The following PDGFC variants were observed in gnomAD, a reference collection of about 807,000 sequenced individuals.
The protein encoded by PDGFC is platelet-derived growth factor C.
Under a neutral mutation model 35.5 loss-of-function variants are expected in PDGFC, and 12 were observed. The observed-to-expected ratio is 0.34, with a 90% CI of 0.22 to 0.55. The LOEUF (loss-of-function observed/expected upper bound fraction) is 0.55, where lower values mean the gene tolerates loss of function less well. PDGFC is among the 20% of genes least tolerant of loss of function. PDGFC has a pLI of 0.91. For missense variants in PDGFC, 322 were observed against 412.4 expected (o/e 0.78, Z 1.90); for synonymous variants, 159 against 148.8 (o/e 1.07, Z -0.50).
chr4:156,942,214 G>A (rs1731826898), intron 1 of PDGFC, among the ~76,000 whole-genome samples: 1 of 152,052 alleles, frequency 6.6e-6, no homozygotes, highest in African/African-American at 2.4e-5. Context: ...ATTCCTTTGT[G>A]CTCACAGGCG....
At chr4:156,852,309 T>C (rs1295280732) in intron 1 of PDGFC, among the ~76,000 whole-genome samples, 1 of 152,210 alleles carries the variant, frequency 6.6e-6, no homozygotes, top group Non-Finnish European at 1.5e-5. Flanking sequence ...CTTTTGGATA[T>C]GTGCCATCAA....
At chr4:156,808,629 C>T (rs952569507) in intron 3 of PDGFC, among the ~76,000 whole-genome samples, 10 of 151,858 alleles carry the variant, frequency 6.6e-5, no homozygotes, top group Non-Finnish European at 1.2e-4. Flanking sequence ...ATGGATTGCA[C>T]CCTGTTAGCA....
intron 2 of PDGFC, among the ~76,000 whole-genome samples, chr4:156,843,360 A>AC (rs1290525921): frequency 1.3e-5 from 2 of 152,210 alleles, no homozygotes; most frequent in Non-Finnish European, 2.9e-5. Flanking sequence ...TTTATAAGCC[A>AC]CCCAGTTTAT....
intron 1 of PDGFC, among the ~76,000 whole-genome samples, chr4:156,912,804 T>C (rs908864822): frequency 2.6e-5 from 4 of 151,852 alleles, no homozygotes; most frequent in African/African-American, 9.7e-5. Flanking sequence ...CTGGATGTCC[T>C]TCACGGTGGG....
At chr4:156,819,391 A>C (rs1732185549) in intron 2 of PDGFC, among the ~76,000 whole-genome samples, 2 of 152,196 alleles carry the variant, frequency 1.3e-5, no homozygotes. Context: ...GTTAGGGGCT[A>C]ATGCATCTGG....
At chr4:156,866,424 G>T (rs1316347839) in intron 1 of PDGFC, among the ~76,000 whole-genome samples, 1 of 151,960 alleles carries the variant, frequency 6.6e-6, no homozygotes, top group East Asian at 1.9e-4. Flanking sequence ...GTATTTTTTA[G>T]TTCCTAAGGA....
intron 2 of PDGFC, among the ~76,000 whole-genome samples, chr4:156,827,956 G>A (rs1169338594): frequency 1.3e-5 from 2 of 152,210 alleles, no homozygotes; most frequent in Non-Finnish European, 2.9e-5. Context: ...GCAAATGCGT[G>A]AAACAGTGGA....
chr4:156,805,527 A>T (rs1016911971), intron 3 of PDGFC, among the ~76,000 whole-genome samples: 1 of 152,172 alleles, frequency 6.6e-6, no homozygotes, highest in African/African-American at 2.4e-5. Flanking sequence ...TCCCACCACT[A>T]ATGTTTTTCC....
rs535696793 is a variant in PDGFC at position 156,788,310 on chromosome 4, G to A, written c.496-15417C>T. On this transcript the variant is annotated intron_variant, in intron 3 of 5. Coordinates refer to ENST00000502773, the MANE Select transcript of PDGFC (RefSeq NM_016205.3). ...GTCCACAGAGAATCTCCAGAACCCC[G>A]AAAAGCTACCAAGATCAACGGCAAC... is the stretch of plus-strand genomic sequence containing the variant. Among the ~76,000 whole-genome samples the A allele has an allele frequency of 7.2e-5, 11 of 152,224 alleles. No homozygotes were observed. In the East Asian group the frequency reaches 1.5e-3, roughly 21 times the overall value.
At chr4:156,840,209 C>T (rs1381337534) in intron 2 of PDGFC, among the ~76,000 whole-genome samples, 1 of 152,132 alleles carries the variant, frequency 6.6e-6, no homozygotes, top group Non-Finnish European at 1.5e-5. Context: ...GGCATGGAGG[C>T]CTAGGAGGGA....
chr4:156,939,518 C>A (rs1223096035), intron 1 of PDGFC, among the ~76,000 whole-genome samples: 1 of 152,008 alleles, frequency 6.6e-6, no homozygotes, highest in Non-Finnish European at 1.5e-5. Flanking sequence ...CTATACAAAT[C>A]TTATATGTAA....
At chr4:156,843,644 CCTGT>C (rs1405911645) in intron 2 of PDGFC, among the ~76,000 whole-genome samples, 3 of 152,084 alleles carry the variant, frequency 2.0e-5, no homozygotes, top group African/African-American at 7.2e-5. Context: ...GTTTGTTTAT[CCTGT>C]CTTTTTCCTG....
At chr4:156,791,742 C>T (rs146476784) in intron 3 of PDGFC, among the ~76,000 whole-genome samples, 24 of 152,284 alleles carry the variant, frequency 1.6e-4, no homozygotes, top group African/African-American at 3.6e-4. Context: ...TAGCATCCCA[C>T]GTACCACACT....
rs904594490 is a variant in PDGFC at position 156,775,157 on chromosome 4, C to T, written c.496-2264G>A. ...GCTTTGACAGAACTATGACTGAAAACTCTATTATAGATATAAACATTGATC... is the reference window on the plus strand; with the variant it reads ...GCTTTGACAGAACTATGACTGAAAATTCTATTATAGATATAAACATTGATC... On this transcript the variant is annotated intron_variant, in intron 3 of 5. Coordinates refer to ENST00000502773, the MANE Select transcript of PDGFC (RefSeq NM_016205.3). 1.1e-4 allele frequency among the ~76,000 whole-genome samples: 16 copies of T among 152,182 alleles called. No homozygotes were observed. In the East Asian group the frequency reaches 2.9e-3, roughly 28 times the overall value.
At chr4:156,837,647 C>CAT (rs10659609) in intron 2 of PDGFC, among the ~76,000 whole-genome samples, 9,020 of 152,046 alleles carry the variant, frequency 0.059, 880 homozygotes, top group African/African-American at 0.21. Context: ...GCTCATAGAG[C>CAT]ATAAACTCTT....
At chr4:156,963,435 C>T (rs1732388605) in intron 1 of PDGFC, among the ~76,000 whole-genome samples, 1 of 152,042 alleles carries the variant, frequency 6.6e-6, no homozygotes, top group Admixed American at 6.6e-5. Context: ...CATACCACTG[C>T]ACTCCAGCCT....
intron 1 of PDGFC, among the ~76,000 whole-genome samples, chr4:156,931,491 G>A (rs1302462169): frequency 6.6e-6 from 1 of 152,074 alleles, no homozygotes; most frequent in Non-Finnish European, 1.5e-5. Context: ...GGGGAGGTGA[G>A]TCAACAGTGA....
At chr4:156,903,994 CA>C (rs936366923) in intron 1 of PDGFC, among the ~76,000 whole-genome samples, 30 of 152,106 alleles carry the variant, frequency 2.0e-4, no homozygotes, top group Middle Eastern at 3.4e-3. Flanking sequence ...TGTTAGTATC[CA>C]AAACCAGGTT....
chr4:156,864,579 A>G (rs949959748), intron 1 of PDGFC, among the ~76,000 whole-genome samples: 4 of 152,158 alleles, frequency 2.6e-5, no homozygotes, highest in Non-Finnish European at 1.5e-5. Flanking sequence ...CACAATTCCA[A>G]GATGAAAACT....
Sources: gnomAD v4.1 joint callset for allele counts (sites outside exome capture counted in the v4.1 genomes callset) on GRCh38, gnomAD v4.1.1 for gene constraint, MANE v1.5 for transcripts, NCBI Gene and HGNC (gene_info 2026-07-23, HGNC 2026-07-21) for gene names.